The following CALN1 variants were observed in gnomAD, a reference collection of about 807,000 sequenced individuals.
The protein encoded by CALN1 is calneuron 1, also known as calcium-binding protein 8.
Under a neutral mutation model 30.6 loss-of-function variants are expected in CALN1, and 17 were observed. The observed-to-expected ratio is 0.56, with a 90% confidence interval of 0.38 to 0.83. The LOEUF is 0.83. Ranked by LOEUF, CALN1 falls within the 40% of genes least tolerant of loss-of-function variation. The pLI is 0.00. For missense variants in CALN1, 291 were observed against 354.9 expected (o/e 0.82, Z 1.45); for synonymous variants, 156 against 131.4 (o/e 1.19, Z -1.28).
upstream of CALN1, among the ~76,000 whole-genome samples, chr7:72,449,606 C>T (rs559522897): frequency 6.6e-5 from 10 of 152,298 alleles, no homozygotes; most frequent in East Asian, 1.5e-3. Context: ...GGCGCGGTGG[C>T]TCATGCCTGT....
intron 3 of CALN1, among the ~76,000 whole-genome samples, chr7:72,226,445 C>A (rs1793683765): frequency 6.6e-6 from 1 of 152,086 alleles, no homozygotes; most frequent in South Asian, 2.1e-4. Context: ...TCAGTTTCCT[C>A]ACCTAGAAAG....
At chr7:72,235,070 T>G (rs1439998496) in intron 3 of CALN1, among the ~76,000 whole-genome samples, 1 of 152,066 alleles carries the variant, frequency 6.6e-6, no homozygotes, top group African/African-American at 2.4e-5. Flanking sequence ...TTCAGAAGTT[T>G]GAGACCACCC....
intron 5 of CALN1, among the ~76,000 whole-genome samples, chr7:71,899,219 C>T (rs1793716874): frequency 1.3e-5 from 2 of 150,968 alleles, no homozygotes; most frequent in African/African-American, 2.4e-5. Context: ...TCTCGGCTCA[C>T]TGCAACCTCC....
intron 5 of CALN1, among the ~76,000 whole-genome samples, chr7:71,850,211 G>A (rs758136481): frequency 6.6e-6 from 1 of 152,042 alleles, no homozygotes; most frequent in Non-Finnish European, 1.5e-5. Context: ...CTGACATACT[G>A]TTTTTGTTGT....
intron 2 of CALN1, among the ~76,000 whole-genome samples, chr7:72,338,527 G>GTGTGTGTGTGTGTCTC (rs1190799242): frequency 6.9e-6 from 1 of 144,486 alleles, no homozygotes; most frequent in African/African-American, 2.7e-5. Flanking sequence ...GTGTGTGTGT[G>GTGTGTGTGTGTGTCTC]TCTCACCTGG....
At chr7:72,494,612 C>T in the CALN1 span, among the ~76,000 whole-genome samples, 1 of 152,106 alleles carries the variant, frequency 6.6e-6, no homozygotes, top group Non-Finnish European at 1.5e-5. Context: ...CGCGTTGGCC[C>T]ATGCCTGTAG....
the CALN1 span, among the ~76,000 whole-genome samples, chr7:72,480,876 G>A: frequency 1.1e-4 from 17 of 152,046 alleles, no homozygotes; most frequent in East Asian, 1.9e-4. Flanking sequence ...AATCTCTAAC[G>A]ATGTCACCTC....
chr7:72,052,995 CAAG>C (rs950410501), intron 4 of CALN1, among the ~76,000 whole-genome samples: 1 of 152,060 alleles, frequency 6.6e-6, no homozygotes, highest in Non-Finnish European at 1.5e-5. Context: ...TTTGGGAGGC[CAAG>C]GAGGGAGGAT....
chr7:71,982,958 G>A lies in CALN1; in HGVS notation c.501+40699C>T, dbSNP rs193086509. ...TTGCCAACCACGTGTGCAGTAAGGA[G>A]CAGACAACCTGGTGCAGGCCAAGTG... On this transcript the variant is annotated intron_variant, in intron 5 of 6. Transcript: ENST00000395275. Among the ~76,000 whole-genome samples, 5 of 152,252 alleles carry A rather than the reference G, an allele frequency of 3.3e-5. No individual in the cohort carries two copies. The East Asian group carries it at 9.7e-4, about 29-fold the overall frequency.
At chr7:71,924,700 T>C (rs1393127571) in intron 5 of CALN1, among the ~76,000 whole-genome samples, 1 of 152,198 alleles carries the variant, frequency 6.6e-6, no homozygotes, top group Non-Finnish European at 1.5e-5. Flanking sequence ...GTGGTTTGAC[T>C]ATGATGTCTA....
At chr7:72,127,209 A>G (rs1808830416) in intron 3 of CALN1, among the ~76,000 whole-genome samples, 1 of 151,948 alleles carries the variant, frequency 6.6e-6, no homozygotes, top group Non-Finnish European at 1.5e-5. Flanking sequence ...GGCTGTCTAG[A>G]GAAGAGTGTT....
chr7:71,995,016 C>A (rs998996807), intron 5 of CALN1, among the ~76,000 whole-genome samples: 19 of 152,128 alleles, frequency 1.2e-4, no homozygotes, highest in Non-Finnish European at 2.8e-4. Context: ...CCACACCTGG[C>A]TAATTTTTTA....
chr7:71,931,135 T>A (rs1214346834), intron 5 of CALN1, among the ~76,000 whole-genome samples: 3 of 152,240 alleles, frequency 2.0e-5, no homozygotes. Context: ...TTTTTCTTTT[T>A]GAAATGTGGG....
chr7:72,074,346 C>T (rs1804595274), intron 4 of CALN1, among the ~76,000 whole-genome samples: 1 of 152,196 alleles, frequency 6.6e-6, no homozygotes, highest in Non-Finnish European at 1.5e-5. Flanking sequence ...GCGGCAGGAC[C>T]TCTCAGGGCC....
intron 3 of CALN1, among the ~76,000 whole-genome samples, chr7:72,108,328 G>C (rs2129541415): frequency 6.6e-6 from 1 of 152,314 alleles, no homozygotes; most frequent in African/African-American, 2.4e-5. Flanking sequence ...CATCTTCAAA[G>C]ACTTTTCTGT....
chr7:72,320,482 C>T (rs1348867231), intron 2 of CALN1, among the ~76,000 whole-genome samples: 1 of 152,012 alleles, frequency 6.6e-6, no homozygotes, highest in African/African-American at 2.4e-5. Flanking sequence ...GGTCCTGGGA[C>T]CTAGGATGAC....
At chr7:72,327,975 T>C (rs1485938052) in intron 2 of CALN1, among the ~76,000 whole-genome samples, 1 of 152,168 alleles carries the variant, frequency 6.6e-6, no homozygotes, top group African/African-American at 2.4e-5. Flanking sequence ...CAACAAAATT[T>C]AGATGTATGT....
intron 2 of CALN1, among the ~76,000 whole-genome samples, chr7:72,346,408 G>A (rs1802643450): frequency 6.6e-6 from 1 of 152,116 alleles, no homozygotes; most frequent in Non-Finnish European, 1.5e-5. Context: ...CCTAACTGAA[G>A]GATGAAGATG....
the CALN1 span, among the ~76,000 whole-genome samples, chr7:72,489,024 T>A: frequency 4.1e-4 from 62 of 151,964 alleles, no homozygotes; most frequent in Non-Finnish European, 7.2e-4. Context: ...TATGGTAAAA[T>A]TTTTTTTTCT....
Sources: allele counts gnomAD v4.1 joint callset (sites outside exome capture counted in the v4.1 genomes callset), GRCh38; gene constraint gnomAD v4.1.1; transcripts MANE v1.5; gene names NCBI Gene and HGNC (gene_info 2026-07-23, HGNC 2026-07-21).